Variants in DCAF6 observed in about 807,000 individuals in gnomAD.
DCAF6 encodes DDB1 and CUL4 associated factor 6, also known as DDB1- and CUL4-associated factor 6.
DCAF6 carries 54 observed loss-of-function variants against 125.1 expected under a neutral mutation model. The observed-to-expected ratio is 0.43, with a 90% CI of 0.35 to 0.54. The LOEUF (loss-of-function observed/expected upper bound fraction) is 0.54. Among genes scored for constraint, DCAF6 ranks in the 20% least tolerant of loss-of-function variants. DCAF6 has a pLI of 0.01. For synonymous variants in DCAF6, 371 were observed against 390.4 expected (o/e 0.95, Z 0.58); for missense variants, 934 against 1,161.7 (o/e 0.80, Z 2.85).
chr1:168,046,477 C>A (rs1476868754), intron 16 of DCAF6, among the ~76,000 whole-genome samples: 1 of 152,036 alleles, frequency 6.6e-6, no homozygotes, highest in African/African-American at 2.4e-5. Flanking sequence ...ATGTTTCTTT[C>A]TTTAGTCATA....
intron 2 of DCAF6, among the ~76,000 whole-genome samples, chr1:167,961,006 T>C (rs1308514974): frequency 6.6e-6 from 1 of 152,228 alleles, no homozygotes; most frequent in African/African-American, 2.4e-5. Context: ...TTTAATTCTT[T>C]GATTTCTTTT....
intron 2 of DCAF6, among the ~76,000 whole-genome samples, chr1:167,954,530 G>T (rs1215484807): frequency 6.6e-6 from 1 of 151,910 alleles, no homozygotes; most frequent in Middle Eastern, 3.2e-3. Flanking sequence ...TCGGCTCACT[G>T]CAAGCTCCGC....
At chr1:167,950,497 AT>A (rs964578156) in intron 1 of DCAF6, among the ~76,000 whole-genome samples, 20 of 151,744 alleles carry the variant, frequency 1.3e-4, no homozygotes, top group South Asian at 4.2e-4. Context: ...ATTATCCATA[AT>A]TTTTTTTTAA....
intron 2 of DCAF6, among the ~76,000 whole-genome samples, chr1:167,965,079 T>G (rs1676193301): frequency 6.6e-6 from 1 of 152,240 alleles, no homozygotes; most frequent in Non-Finnish European, 1.5e-5. Context: ...TTTTTGCCTT[T>G]TAGTATGGCT....
rs567307645 is a variant in DCAF6, at chr1:168,075,758, G to T, written c.*323G>T. The T allele has an allele frequency of 4.7e-6, 1 of 211,878 alleles. No individual in the cohort carries two copies. Among genetic ancestry groups the T allele is most frequent in the Admixed American group, 5.8e-5 (1 of 17,182 alleles). 13.1% of individuals were successfully genotyped at this position (211,878 alleles called of 1,614,324 possible). A position where few individuals can be genotyped will look rare whatever the true frequency, so the allele number is the denominator to read the frequency against. ...GAATAATTTTCATCATAGTGAAAAT[G>T]TTGGTTCAAATAAATTTCTACACTT... On this transcript the variant is annotated 3_prime_UTR_variant, in exon 22 of 22. Transcript: ENST00000367840.
chr1:167,911,213 AAAAGT>A, the DCAF6 span, among the ~76,000 whole-genome samples: 1 of 152,242 alleles, frequency 6.6e-6, no homozygotes, highest in Non-Finnish European at 1.5e-5. Context: ...TAGAGGTATA[AAAAGT>A]AAAGTAGAGG....
chr1:167,881,822 C>T, the DCAF6 span, among the ~76,000 whole-genome samples: 1 of 152,166 alleles, frequency 6.6e-6, no homozygotes, highest in African/African-American at 2.4e-5. Context: ...AGACTGTTCT[C>T]TTAGATTCTA....
upstream of DCAF6, chr1:167,935,797 C>G (rs1396422002): frequency 1.3e-6 from 2 of 1,559,506 alleles, no homozygotes; most frequent in Admixed American, 3.8e-5. Flanking sequence ...TATCGAGGAG[C>G]CGGTGGTAGG....
the DCAF6 span, chr1:167,870,472 A>C: frequency 8.4e-5 from 119 of 1,416,268 alleles, no homozygotes; most frequent in Non-Finnish European, 1.1e-4. Flanking sequence ...TAGAGATATA[A>C]AAAGTCACAT....
chr1:167,875,008 G>T, the DCAF6 span: 1 of 879,218 alleles, frequency 1.1e-6, no homozygotes, highest in African/African-American at 1.7e-5. Context: ...TTCTTAACCT[G>T]GATGATGATT....
chr1:168,044,789 A>T, intron 15 of DCAF6, 111 bp from the exon 16 acceptor site: 1 of 1,417,946 alleles, frequency 7.1e-7, no homozygotes, highest in Non-Finnish European at 9.8e-7. Flanking sequence ...TCCTCCCCTT[A>T]TAGAGGAATT....
At chr1:168,069,435 A>T (rs1231032126) in intron 21 of DCAF6, among the ~76,000 whole-genome samples, 1 of 152,088 alleles carries the variant, frequency 6.6e-6, no homozygotes, top group Non-Finnish European at 1.5e-5. Flanking sequence ...TTCCCACCTC[A>T]GGGTTTTTAT....
the DCAF6 span, chr1:167,905,124 TC>T: frequency 4.3e-6 from 7 of 1,614,244 alleles, no homozygotes. Flanking sequence ...CTGGAATTCT[TC>T]TTTTGGAGTG....
intron 3 of DCAF6, among the ~76,000 whole-genome samples, chr1:167,968,194 G>C (rs929162947): frequency 6.6e-6 from 1 of 152,198 alleles, no homozygotes; most frequent in African/African-American, 2.4e-5. Context: ...AATAGGGAAA[G>C]TGTAATAAAA....
At chr1:168,063,207 AT>A (rs1365774276) in intron 17 of DCAF6, among the ~76,000 whole-genome samples, 1 of 152,142 alleles carries the variant, frequency 6.6e-6, no homozygotes, top group African/African-American at 2.4e-5. Context: ...GCTATTATAT[AT>A]TACCTTTAGT....
the DCAF6 span, among the ~76,000 whole-genome samples, chr1:167,895,090 G>A: frequency 5.3e-5 from 8 of 151,556 alleles, 1 homozygote; most frequent in African/African-American, 1.9e-4. Flanking sequence ...GCTGAGGCAG[G>A]AGAATCGCTT....
chr1:167,980,045 G>T (rs1678870494), intron 4 of DCAF6, among the ~76,000 whole-genome samples: 1 of 151,990 alleles, frequency 6.6e-6, no homozygotes, highest in Non-Finnish European at 1.5e-5. Context: ...GCTGGATGTG[G>T]TGGCATGTGC....
intron 17 of DCAF6, among the ~76,000 whole-genome samples, chr1:168,060,495 CT>C (rs1453381058): frequency 6.6e-6 from 1 of 152,148 alleles, no homozygotes; most frequent in Admixed American, 6.5e-5. Flanking sequence ...CTAGAGCATA[CT>C]TTTTAAATGA....
the DCAF6 span, among the ~76,000 whole-genome samples, chr1:167,890,002 A>G: frequency 6.6e-6 from 1 of 152,054 alleles, no homozygotes; most frequent in Non-Finnish European, 1.5e-5. Flanking sequence ...GTTTCCTCAA[A>G]CAGCTTTTTT....
Sources: gnomAD v4.1 joint callset for allele counts (sites outside exome capture counted in the v4.1 genomes callset) on GRCh38, gnomAD v4.1.1 for gene constraint, MANE v1.5 for transcripts, NCBI Gene and HGNC (gene_info 2026-07-23, HGNC 2026-07-21) for gene names.